Variants in SLC2A12 observed in about 807,000 individuals in gnomAD.
SLC2A12 encodes the protein solute carrier family 2, facilitated glucose transporter member 12.
A neutral mutation model predicts 41.8 loss-of-function variants in SLC2A12; 23 were observed. That is an observed-to-expected ratio of 0.55 (90% confidence interval 0.40 to 0.78). The LOEUF is 0.78. Among genes scored for constraint, SLC2A12 ranks in the 30% least tolerant of loss-of-function variants. The pLI is 0.00. For synonymous variants in SLC2A12, 295 were observed against 285.9 expected, an observed-to-expected ratio of 1.03 and a Z score of -0.32; for missense variants, 654 against 745.6, an observed-to-expected ratio of 0.88 and a Z score of 1.43.
chr6:134,032,412 A>ATATATATATATATT (rs1339363103), intron 1 of SLC2A12, among the ~76,000 whole-genome samples: 1 of 35,028 alleles, frequency 2.9e-5, no homozygotes, highest in Non-Finnish European at 6.1e-5. Flanking sequence ...AGAAATATAT[A>ATATATATATATATT]TATATATATA....
At chr6:134,003,367 A>G (rs1018449129) in intron 3 of SLC2A12, among the ~76,000 whole-genome samples, 14 of 152,182 alleles carry the variant, frequency 9.2e-5, no homozygotes, top group African/African-American at 3.4e-4. Flanking sequence ...ACCAGAATAT[A>G]GAAATTGTCA....
At chr6:134,052,323 A>T (rs1261608605) in intron 1 of SLC2A12, 55 bp downstream of exon 1, 41 of 1,354,590 alleles carry the variant, frequency 3.0e-5, no homozygotes, top group Non-Finnish European at 4.2e-5. Flanking sequence ...TACACTCGGG[A>T]GATGAGTACA....
chr6:133,993,353 C>G (rs1025036087), intron 4 of SLC2A12, among the ~76,000 whole-genome samples: 1 of 152,156 alleles, frequency 6.6e-6, no homozygotes, highest in Non-Finnish European at 1.5e-5. Context: ...TCTCCAAATC[C>G]GAGCTCTATT....
At chr6:134,018,478 C>T (rs1405215680) in intron 2 of SLC2A12, among the ~76,000 whole-genome samples, 1 of 152,084 alleles carries the variant, frequency 6.6e-6, no homozygotes, top group African/African-American at 2.4e-5. Context: ...TCTTGCAGCT[C>T]TCCTCACCCT....
intron 1 of SLC2A12, among the ~76,000 whole-genome samples, chr6:134,032,450 A>ATTTGTTCTGTTTCACTGC (rs1491172173): frequency 6.8e-5 from 3 of 44,356 alleles, no homozygotes; most frequent in African/African-American, 3.2e-4. Context: ...ATATATATAA[A>ATTTGTTCTGTTTCACTGC]TATATATATA....
intron 2 of SLC2A12, among the ~76,000 whole-genome samples, chr6:134,023,571 A>G (rs567102449): frequency 6.6e-6 from 1 of 152,350 alleles, no homozygotes; most frequent in African/African-American, 2.4e-5. Flanking sequence ...GAAATAAGCG[A>G]GAGTCATCAG....
intron 2 of SLC2A12, among the ~76,000 whole-genome samples, chr6:134,015,550 C>A (rs1302654535): frequency 3.3e-5 from 5 of 152,146 alleles, no homozygotes; most frequent in African/African-American, 7.2e-5. Context: ...TGCCTTTTCT[C>A]TGAAGATATG....
At chr6:134,034,858 A>C (rs942491418) in intron 1 of SLC2A12, among the ~76,000 whole-genome samples, 1 of 152,132 alleles carries the variant, frequency 6.6e-6, no homozygotes, top group Admixed American at 6.6e-5. Flanking sequence ...ATAATGATGA[A>C]GTAGAGCATT....
At chr6:134,042,346 A>T (rs959498057) in intron 1 of SLC2A12, among the ~76,000 whole-genome samples, 5 of 152,118 alleles carry the variant, frequency 3.3e-5, no homozygotes, top group African/African-American at 4.8e-5. Context: ...TAAAATTAAT[A>T]CCTGAATGGC....
At position 134,004,936 on chromosome 6, in the gene SLC2A12, C is replaced by T. The variant is rs143107627; in HGVS notation, c.1567+1876G>A. Reference sequence around the variant, plus strand: ...CCTCATGTGCCTCCTGTTGGCAGTTCACACGGCAGCAGCTGCCACAGAGTT... The same window carrying T: ...CCTCATGTGCCTCCTGTTGGCAGTTTACACGGCAGCAGCTGCCACAGAGTT... On this transcript the variant is annotated intron_variant, in intron 3 of 4. Transcript: ENST00000275230. 4.9e-3 allele frequency among the ~76,000 whole-genome samples: 745 copies of T among 152,312 alleles called. 4 individuals carry two copies. Among genetic ancestry groups the T allele is most frequent in the Non-Finnish European group, 8.3e-3 (566 of 68,034 alleles).
chr6:134,027,381 A>G (rs1777128141), intron 2 of SLC2A12, among the ~76,000 whole-genome samples: 1 of 152,122 alleles, frequency 6.6e-6, no homozygotes, highest in African/African-American at 2.4e-5. Flanking sequence ...TGAACCTCCA[A>G]TGTTTCCCAT....
Position 134,051,831 on chromosome 6 carries a change from G to T in SLC2A12, c.103+547C>A, listed in dbSNP as rs562631502. 2.6e-5 allele frequency among the ~76,000 whole-genome samples: 4 copies of T among 152,242 alleles called. No homozygotes were observed. The South Asian group carries it at 6.2e-4, about 24-fold the overall frequency. On this transcript the variant is annotated intron_variant, in intron 1 of 4. Transcript: ENST00000275230. Reference sequence around the variant, plus strand: ...CGCTCAAATTCATCACAAACGTGCTGGGAATTTAAAAAGGAAGTTTGTGTT... The same window carrying T: ...CGCTCAAATTCATCACAAACGTGCTTGGAATTTAAAAAGGAAGTTTGTGTT...
intron 1 of SLC2A12, among the ~76,000 whole-genome samples, chr6:134,049,550 T>C (rs949092207): frequency 6.6e-6 from 1 of 152,248 alleles, no homozygotes; most frequent in Non-Finnish European, 1.5e-5. Flanking sequence ...ATCCGTCTAA[T>C]ATCTCACTTC....
At chr6:134,034,588 AGATGCTATCCTATG>A (rs1386424771) in intron 1 of SLC2A12, among the ~76,000 whole-genome samples, 1 of 152,230 alleles carries the variant, frequency 6.6e-6, no homozygotes, top group African/African-American at 2.4e-5. Flanking sequence ...GACAAGAGCA[AGATGCTATCCTATG>A]GATGCTGGAA....
At chr6:134,044,501 G>A (rs1777428391) in intron 1 of SLC2A12, among the ~76,000 whole-genome samples, 1 of 152,092 alleles carries the variant, frequency 6.6e-6, no homozygotes, top group Non-Finnish European at 1.5e-5. Context: ...ATCACTTGAG[G>A]TCAGGAGTTT....
In SLC2A12 at chr6:133,989,523, C is replaced by A. The variant is rs1776590114; in HGVS notation, c.*1632G>T. On this transcript the variant is annotated 3_prime_UTR_variant, in exon 5 of 5. Transcript: ENST00000275230. ...GGAAGGAAACATGGGGCAGAACACA[C>A]TTCCCTTCTCTTTCCAAAAACAAAA... 1 of 152,130 alleles carries A rather than the reference C, an allele frequency of 6.6e-6. No homozygotes were observed. Among genetic ancestry groups the A allele is most frequent in the Admixed American group, 6.5e-5 (1 of 15,270 alleles). The allele number at this position is 152,130 out of a possible 1,614,324, so 9.4% of individuals were successfully genotyped here.
intron 2 of SLC2A12, among the ~76,000 whole-genome samples, chr6:134,013,458 G>A (rs1776915391): frequency 6.6e-6 from 1 of 152,048 alleles, no homozygotes; most frequent in Non-Finnish European, 1.5e-5. Context: ...AGAAATGATT[G>A]TTAAACAGGA....
intron 1 of SLC2A12, among the ~76,000 whole-genome samples, chr6:134,051,950 C>G (rs1271973624): frequency 6.6e-6 from 1 of 152,120 alleles, no homozygotes; most frequent in Admixed American, 6.5e-5. Context: ...ACACAGTGTC[C>G]ATTTGTGACA....
rs76491884 is a variant in SLC2A12 at position 134,048,974 on chromosome 6, C to T, written c.103+3404G>A. 2.4e-3 allele frequency among the ~76,000 whole-genome samples: 369 copies of T among 152,194 alleles called. 3 individuals carry two copies. Among genetic ancestry groups the T allele is most frequent in the African/African-American group, 8.7e-3 (359 of 41,498 alleles). ...CGAAGCCTGAGAAAGCCAGGCCTGA[C>T]GAAATTCCAGGGGGCCCATTTTAAG... On this transcript the variant is annotated intron_variant, in intron 1 of 4. Coordinates refer to ENST00000275230, the MANE Select transcript of SLC2A12 (RefSeq NM_145176.3).
Sources: allele counts gnomAD v4.1 joint callset (sites outside exome capture counted in the v4.1 genomes callset), GRCh38; gene constraint gnomAD v4.1.1; transcripts MANE v1.5; gene names NCBI Gene and HGNC (gene_info 2026-07-23, HGNC 2026-07-21).